Variants in BABAM2 observed in about 807,000 individuals in gnomAD.
The protein encoded by BABAM2 is BRISC and BRCA1 A complex member 2.
A neutral mutation model predicts 54.7 loss-of-function variants in BABAM2; 31 were observed. The observed-to-expected ratio is 0.57, with a 90% CI of 0.43 to 0.77. The LOEUF (loss-of-function observed/expected upper bound fraction) is 0.77. BABAM2 is among the 30% of genes least tolerant of loss of function. The pLI, the probability that BABAM2 is intolerant of heterozygous loss-of-function variation, is 0.00. For missense variants in BABAM2, 364 were observed against 455.8 expected, an observed-to-expected ratio of 0.80 and a Z score of 1.83; for synonymous variants, 167 against 162.9, an observed-to-expected ratio of 1.03 and a Z score of -0.19.
intron 7 of BABAM2, among the ~76,000 whole-genome samples, chr2:28,139,725 T>C (rs1670880785): frequency 6.6e-6 from 1 of 152,248 alleles, no homozygotes; most frequent in Non-Finnish European, 1.5e-5. Flanking sequence ...TGACTGGGAT[T>C]GCAGATGTGC....
At chr2:28,312,112 C>G (rs1451277162) in intron 11 of BABAM2, among the ~76,000 whole-genome samples, 2 of 152,096 alleles carry the variant, frequency 1.3e-5, no homozygotes, top group African/African-American at 2.4e-5. Context: ...GCAGGAGGGC[C>G]AAGCCGCTTG....
chr2:28,124,412 A>G (rs1669326048), intron 6 of BABAM2, among the ~76,000 whole-genome samples: 1 of 152,212 alleles, frequency 6.6e-6, no homozygotes, highest in Non-Finnish European at 1.5e-5. Context: ...ATACTCTATC[A>G]TCTATAAAAG....
intron 3 of BABAM2, among the ~76,000 whole-genome samples, chr2:27,987,783 C>G (rs1247892023): frequency 2.7e-5 from 4 of 149,560 alleles, no homozygotes; most frequent in Admixed American, 2.0e-4. Flanking sequence ...CCGTTGCACT[C>G]CAGTCTGGAT....
chr2:28,091,317 C>G (rs1666136047), intron 6 of BABAM2, among the ~76,000 whole-genome samples: 1 of 152,174 alleles, frequency 6.6e-6, no homozygotes, highest in Admixed American at 6.5e-5. Flanking sequence ...ATTAGCATCT[C>G]ACAGTTGCAA....
intron 3 of BABAM2, among the ~76,000 whole-genome samples, chr2:27,981,950 C>G (rs1313114447): frequency 1.3e-5 from 2 of 152,142 alleles, no homozygotes; most frequent in Non-Finnish European, 2.9e-5. Context: ...TCAAAAGTGA[C>G]TGCACCATTT....
chr2:27,917,650 G>A (rs1667079601), intron 2 of BABAM2, among the ~76,000 whole-genome samples: 1 of 151,812 alleles, frequency 6.6e-6, no homozygotes, highest in Admixed American at 6.6e-5. Flanking sequence ...AACACATTGG[G>A]GATTAGATTC....
chr2:28,333,095 G>A (rs1458395926), intron 11 of BABAM2, among the ~76,000 whole-genome samples: 1 of 151,826 alleles, frequency 6.6e-6, no homozygotes, highest in African/African-American at 2.4e-5. Context: ...GGCCCCAGCG[G>A]GTACCCATGA....
chr2:28,075,588 G>C (rs1178758034), intron 6 of BABAM2, among the ~76,000 whole-genome samples: 1 of 152,032 alleles, frequency 6.6e-6, no homozygotes, highest in Non-Finnish European at 1.5e-5. Flanking sequence ...GCGTGTGTGT[G>C]TGCATGCAGT....
chr2:28,071,406 T>G (rs993855347), intron 6 of BABAM2, among the ~76,000 whole-genome samples: 40 of 152,348 alleles, frequency 2.6e-4, no homozygotes, highest in African/African-American at 9.1e-4. Context: ...GTGTATTTAC[T>G]GCCAATTGGC....
rs533698615 is a variant in BABAM2, at chr2:28,170,019, A to G, written c.680+40639A>G. ...GTTTATTTAAGTTTCTTTAAGATTT[A>G]TTTCCGTTTGTGAATTTCAGACAAT... On this transcript the variant is annotated intron_variant, in intron 7 of 11. Coordinates refer to ENST00000379624, the MANE Select transcript of BABAM2 (RefSeq NM_199191.3). Among the ~76,000 whole-genome samples, 5 of 152,246 alleles carry G rather than the reference A, an allele frequency of 3.3e-5. No homozygotes were observed. The South Asian group carries it at 6.2e-4, about 19-fold the overall frequency.
chr2:28,327,339 A>G (rs2148325247), intron 11 of BABAM2: 2 of 1,613,906 alleles, frequency 1.2e-6, no homozygotes, highest in South Asian at 2.2e-5. Flanking sequence ...GCAGTTGCAA[A>G]AACTGGCTGC....
chr2:28,185,337 C>T (rs148883481), intron 7 of BABAM2, among the ~76,000 whole-genome samples: 65 of 152,248 alleles, frequency 4.3e-4, no homozygotes, highest in African/African-American at 1.6e-3. Flanking sequence ...TCATGTTCTC[C>T]CTTACCACAG....
intron 7 of BABAM2, among the ~76,000 whole-genome samples, chr2:28,233,688 C>G (rs1391980186): frequency 2.0e-5 from 3 of 152,186 alleles, no homozygotes; most frequent in African/African-American, 7.2e-5. Context: ...AAAATAAACT[C>G]TCAGTTAAAA....
chr2:27,980,757 A>G (rs1428880769), intron 3 of BABAM2, among the ~76,000 whole-genome samples: 4 of 151,942 alleles, frequency 2.6e-5, no homozygotes, highest in Non-Finnish European at 2.9e-5. Flanking sequence ...ACTTTATTAT[A>G]TATTCAAATA....
intron 3 of BABAM2, among the ~76,000 whole-genome samples, chr2:27,961,061 G>C (rs903977384): frequency 6.6e-6 from 1 of 152,134 alleles, no homozygotes; most frequent in African/African-American, 2.4e-5. Context: ...CCATCTCTTA[G>C]ACACTTTAGG....
At chr2:28,301,800 A>G (rs1463298848) in intron 11 of BABAM2, among the ~76,000 whole-genome samples, 2 of 152,144 alleles carry the variant, frequency 1.3e-5, no homozygotes, top group Non-Finnish European at 2.9e-5. Flanking sequence ...TCACATCTTC[A>G]TATATATTTT....
At chr2:28,225,854 T>C (rs1283624829) in intron 7 of BABAM2, among the ~76,000 whole-genome samples, 1 of 151,964 alleles carries the variant, frequency 6.6e-6, no homozygotes, top group East Asian at 1.9e-4. Context: ...AAGGGCCTCT[T>C]TTCATTTTTG....
chr2:28,046,157 C>T (rs1445472971), intron 6 of BABAM2, among the ~76,000 whole-genome samples: 4 of 152,218 alleles, frequency 2.6e-5, no homozygotes, highest in East Asian at 1.9e-4. Context: ...CCACTGCCTT[C>T]GAGGTTCTGG....
chr2:27,907,014 C>T (rs553742869), intron 2 of BABAM2, among the ~76,000 whole-genome samples: 2 of 151,994 alleles, frequency 1.3e-5, no homozygotes, highest in South Asian at 4.2e-4. Context: ...ATTCTTATAC[C>T]ATCACTCATA....
Sources: allele counts gnomAD v4.1 joint callset (sites outside exome capture counted in the v4.1 genomes callset), GRCh38; gene constraint gnomAD v4.1.1; transcripts MANE v1.5; gene names NCBI Gene and HGNC (gene_info 2026-07-23, HGNC 2026-07-21).